Variants in EPHA6 observed in about 807,000 individuals in gnomAD.
EPHA6 encodes EPH receptor A6, also known as ephrin type-A receptor 6.
EPHA6 carries 50 observed loss-of-function variants against 112.0 expected under a neutral mutation model. The observed-to-expected ratio is 0.45, with a 90% CI of 0.36 to 0.56. The LOEUF (loss-of-function observed/expected upper bound fraction) is 0.56, where lower values mean the gene tolerates loss of function less well. EPHA6 is among the 20% of genes least tolerant of loss of function. The pLI is 0.00. For missense variants in EPHA6, 1,280 were observed against 1,417.4 expected, an observed-to-expected ratio of 0.90 and a Z score of 1.56; for synonymous variants, 529 against 490.7, an observed-to-expected ratio of 1.08 and a Z score of -1.03.
At chr3:97,510,754 A>C (rs1435617895) in intron 10 of EPHA6, among the ~76,000 whole-genome samples, 1 of 152,230 alleles carries the variant, frequency 6.6e-6, no homozygotes, top group Non-Finnish European at 1.5e-5. Flanking sequence ...GCCAGCAGGC[A>C]GGGATGTTTA....
At chr3:97,068,980 A>T (rs1189539527) in intron 3 of EPHA6, among the ~76,000 whole-genome samples, 4 of 152,106 alleles carry the variant, frequency 2.6e-5, no homozygotes. Context: ...AGCAGCCCAC[A>T]CTGAGTAAGG....
chr3:97,154,079 C>T (rs1011604140), intron 3 of EPHA6, among the ~76,000 whole-genome samples: 8 of 151,358 alleles, frequency 5.3e-5, no homozygotes, highest in Admixed American at 4.0e-4. Flanking sequence ...GCAGGAGAAT[C>T]GCTCAAATCC....
At chr3:97,007,022 A>G (rs1222110335) in intron 3 of EPHA6, among the ~76,000 whole-genome samples, 2 of 152,172 alleles carry the variant, frequency 1.3e-5, no homozygotes, top group Admixed American at 6.5e-5. Flanking sequence ...TTTACTTCCA[A>G]TTATGTGGTC....
At chr3:97,631,991 T>G (rs959169684) in intron 13 of EPHA6, among the ~76,000 whole-genome samples, 4 of 152,018 alleles carry the variant, frequency 2.6e-5, no homozygotes, top group African/African-American at 9.7e-5. Context: ...AGCAGATATC[T>G]ATATAAGATA....
chr3:97,731,625 C>T (rs1017443843), intron 15 of EPHA6, among the ~76,000 whole-genome samples: 12 of 152,012 alleles, frequency 7.9e-5, no homozygotes, highest in African/African-American at 2.9e-4. Context: ...ATCTTTTAAT[C>T]AGTTTGAGGT....
chr3:97,529,981 A>C (rs1232912589), intron 10 of EPHA6, among the ~76,000 whole-genome samples: 2 of 152,096 alleles, frequency 1.3e-5, no homozygotes, highest in East Asian at 3.8e-4. Context: ...TTTCTATGAA[A>C]TGTGAACAGA....
At chr3:97,340,386 A>G (rs2083248625) in intron 5 of EPHA6, among the ~76,000 whole-genome samples, 2 of 152,144 alleles carry the variant, frequency 1.3e-5, no homozygotes, top group Admixed American at 6.5e-5. Flanking sequence ...TGGTTTATAT[A>G]AGAGTTTAGT....
chr3:96,825,341 A>G lies in EPHA6; in HGVS notation c.385+10333A>G, dbSNP rs538722386. 2.9e-4 allele frequency among the ~76,000 whole-genome samples: 44 copies of G among 151,940 alleles called. 2 individuals carry two copies. The highest frequency in any genetic ancestry group is 9.9e-4 in the African/African-American group (41 of 41,542). ...TGAGAGCTTTCTTTAAAATATAACA[A>G]CACAAAATCTAAATTTTACTAGATT... On this transcript the variant is annotated intron_variant, in intron 1 of 17. Coordinates refer to ENST00000389672, the MANE Select transcript of EPHA6 (RefSeq NM_001080448.3).
intron 7 of EPHA6, among the ~76,000 whole-genome samples, chr3:97,470,279 T>G (rs753675919): frequency 2.9e-4 from 44 of 151,842 alleles, no homozygotes; most frequent in South Asian, 8.3e-4. Context: ...AATTCATGGC[T>G]TTGTTGAGAT....
chr3:97,434,636 G>A (rs149089579), intron 6 of EPHA6, among the ~76,000 whole-genome samples: 1 of 151,956 alleles, frequency 6.6e-6, no homozygotes, highest in Non-Finnish European at 1.5e-5. Flanking sequence ...TCTTGTTCCA[G>A]GTATCTATTA....
intron 13 of EPHA6, among the ~76,000 whole-genome samples, chr3:97,619,503 T>C (rs1310480055): frequency 6.6e-6 from 1 of 150,878 alleles, no homozygotes; most frequent in East Asian, 1.9e-4. Flanking sequence ...TACATGATCC[T>C]ATATCTACAA....
intron 3 of EPHA6, among the ~76,000 whole-genome samples, chr3:97,120,338 G>C (rs2048007436): frequency 6.6e-6 from 1 of 151,444 alleles, no homozygotes; most frequent in Non-Finnish European, 1.5e-5. Context: ...ACTTAGTACA[G>C]GTAAGTTTTA....
chr3:97,296,142 T>C (rs562775392), intron 5 of EPHA6, among the ~76,000 whole-genome samples: 1 of 152,132 alleles, frequency 6.6e-6, no homozygotes, highest in South Asian at 2.1e-4. Flanking sequence ...CCCTAGTGAC[T>C]CATACTGTTA....
intron 6 of EPHA6, among the ~76,000 whole-genome samples, chr3:97,428,808 A>C (rs2089320443): frequency 6.6e-6 from 1 of 152,132 alleles, no homozygotes; most frequent in South Asian, 2.1e-4. Context: ...TTTCTTGCTG[A>C]ATACAGAAAT....
chr3:97,125,012 G>C (rs2048145277), intron 3 of EPHA6, among the ~76,000 whole-genome samples: 1 of 152,108 alleles, frequency 6.6e-6, no homozygotes, highest in South Asian at 2.1e-4. Flanking sequence ...TGACCCCCAA[G>C]TACAAAAGGA....
chr3:97,465,967 G>GT (rs200430547), intron 7 of EPHA6, among the ~76,000 whole-genome samples: 6,815 of 149,612 alleles, frequency 0.046, 505 homozygotes, highest in African/African-American at 0.15. Flanking sequence ...CTGCCCATTT[G>GT]TTTTTTTTTC....
chr3:97,399,025 T>G (rs1444570184), intron 5 of EPHA6, among the ~76,000 whole-genome samples: 1 of 151,560 alleles, frequency 6.6e-6, no homozygotes, highest in Non-Finnish European at 1.5e-5. Flanking sequence ...TCACCTACAG[T>G]GCTGTAGAAC....
chr3:96,972,105 A>G (rs2042336288), intron 2 of EPHA6, among the ~76,000 whole-genome samples: 1 of 152,132 alleles, frequency 6.6e-6, no homozygotes, highest in Non-Finnish European at 1.5e-5. Context: ...GTGTAATGCT[A>G]GCTAATTTAA....
chr3:97,586,318 G>A (rs567292229), intron 11 of EPHA6, among the ~76,000 whole-genome samples: 4 of 152,260 alleles, frequency 2.6e-5, no homozygotes, highest in South Asian at 4.2e-4. Context: ...TTAAGGATAC[G>A]CGAAATAAAG....
Sources: allele counts gnomAD v4.1 joint callset (sites outside exome capture counted in the v4.1 genomes callset), GRCh38; gene constraint gnomAD v4.1.1; transcripts MANE v1.5; gene names NCBI Gene and HGNC (gene_info 2026-07-23, HGNC 2026-07-21).